The following HEXB variants were observed in gnomAD, a reference collection of about 807,000 sequenced individuals.
HEXB encodes the protein beta-hexosaminidase subunit beta.
HEXB carries 51 observed loss-of-function variants against 71.2 expected under a neutral mutation model. That is an observed-to-expected ratio of 0.72 (90% CI 0.57 to 0.90). The LOEUF is 0.90. HEXB is among the 40% of genes least tolerant of loss of function. HEXB has a pLI of 0.00. For missense variants in HEXB, 617 were observed against 677.0 expected (o/e 0.91, Z 0.98); for synonymous variants, 266 against 249.3 (o/e 1.07, Z -0.63).
Position 74,719,091 on chromosome 5 carries a change from T to C in HEXB, c.1417+120T>C, listed in dbSNP as rs888592544. ...CCTAACCTCCCACCCCAGAAGTCTT[T>C]ACCTAGATATTACCTACCAACTATC... On this transcript the variant is annotated intron_variant, in intron 11 of 13. Coordinates refer to ENST00000261416, the MANE Select transcript of HEXB (RefSeq NM_000521.4). The C allele has an allele frequency of 5.8e-6, 5 of 862,318 alleles. No individual in the cohort carries two copies. In the Middle Eastern group the frequency reaches 6.5e-4, roughly 111 times the overall value. 53.4% of individuals were successfully genotyped at this position (862,318 alleles called of 1,614,324 possible).
intron 1 of HEXB, among the ~76,000 whole-genome samples, chr5:74,686,221 A>G (rs1294617228): frequency 1.3e-5 from 2 of 152,248 alleles, no homozygotes; most frequent in African/African-American, 4.8e-5. Flanking sequence ...ACCCCTAGAT[A>G]GCGCCTCTGT....
intron 1 of HEXB, among the ~76,000 whole-genome samples, chr5:74,676,024 CAG>C (rs571407618): frequency 1.1e-4 from 16 of 152,162 alleles, no homozygotes; most frequent in Non-Finnish European, 2.1e-4. Context: ...TATAAATTAA[CAG>C]AAAGTATTTC....
intron 1 of HEXB, among the ~76,000 whole-genome samples, chr5:74,650,468 G>C (rs1449705428): frequency 6.6e-6 from 1 of 152,194 alleles, no homozygotes; most frequent in Non-Finnish European, 1.5e-5. Flanking sequence ...GGGTAAAGCT[G>C]AAGAACAGAA....
intron 1 of HEXB, among the ~76,000 whole-genome samples, chr5:74,686,025 C>T (rs1468648372): frequency 6.6e-6 from 1 of 152,166 alleles, no homozygotes; most frequent in African/African-American, 2.4e-5. Context: ...CTGGTAACAG[C>T]TCAAATGGCA....
At chr5:74,662,708 A>G (rs1323738121) in intron 1 of HEXB, among the ~76,000 whole-genome samples, 1 of 152,214 alleles carries the variant, frequency 6.6e-6, no homozygotes, top group Non-Finnish European at 1.5e-5. Context: ...TTGCTTATTT[A>G]TAGGTAAAAA....
chr5:74,686,734 C>A (rs993352787), intron 1 of HEXB, among the ~76,000 whole-genome samples: 9 of 152,064 alleles, frequency 5.9e-5, no homozygotes, highest in Admixed American at 2.0e-4. Flanking sequence ...TCTGCTAAGG[C>A]CAGAGTGGGG....
At chr5:74,713,464 C>A in intron 6 of HEXB, 42 bp from the exon 7 acceptor site, 1 of 1,592,288 alleles carries the variant, frequency 6.3e-7, no homozygotes, top group Non-Finnish European at 8.6e-7. Flanking sequence ...AGGATCAAAT[C>A]TACGTTGTAC....
At position 74,695,201 on chromosome 5, in the gene HEXB, C is replaced by CTT. The variant is rs35812692; in HGVS notation, c.512-1473_512-1472dup. Among the ~76,000 whole-genome samples, 386 of 114,434 alleles carry CTT rather than the reference C, an allele frequency of 3.4e-3. 10 individuals are homozygous for CTT. Among genetic ancestry groups the CTT allele is most frequent in the African/African-American group, 8.8e-3 (260 of 29,408 alleles). 75.1% of individuals were successfully genotyped at this position (114,434 alleles called of 152,430 possible). A position where few individuals can be genotyped will look rare whatever the true frequency, so the allele number is the denominator to read the frequency against. ...CTGCGTCTGCTAAGGAGAAGAGACGCTTTTTTTTTTTTTTTTTTTTGAGAC... is the reference window on the plus strand; with the variant it reads ...CTGCGTCTGCTAAGGAGAAGAGACGCTTTTTTTTTTTTTTTTTTTTTTGAGAC... On this transcript the variant is annotated intron_variant, in intron 3 of 13. Coordinates refer to ENST00000261416, the MANE Select transcript of HEXB (RefSeq NM_000521.4).
chr5:74,706,486 G>A (rs1213767061), intron 6 of HEXB, among the ~76,000 whole-genome samples: 1 of 152,230 alleles, frequency 6.6e-6, no homozygotes, highest in Non-Finnish European at 1.5e-5. Flanking sequence ...GCCGAAGCAG[G>A]GTGAGGCGTT....
chr5:74,668,230 T>TTGTGTGTGTG (rs34727155), intron 1 of HEXB, among the ~76,000 whole-genome samples: 25 of 148,580 alleles, frequency 1.7e-4, no homozygotes, highest in African/African-American at 5.7e-4. Context: ...TTTGTTTTGT[T>TTGTGTGTGTG]TGTGTGTGTG....
chr5:74,716,041 A>T (rs1180539115), intron 8 of HEXB, among the ~76,000 whole-genome samples: 1 of 104,920 alleles, frequency 9.5e-6, no homozygotes, highest in Non-Finnish European at 1.9e-5. Context: ...AAAAAAAAAA[A>T]TGGAATAAAA....
intron 11 of HEXB, 96 bp from the exon 12 acceptor site, chr5:74,720,331 GC>G: frequency 2.2e-6 from 2 of 930,182 alleles, no homozygotes; most frequent in Non-Finnish European, 3.6e-6. Flanking sequence ...AAGAAATGTT[GC>G]CCTAGGATAA....
chr5:74,666,069 AT>A (rs1213493825), intron 1 of HEXB, among the ~76,000 whole-genome samples: 3 of 152,234 alleles, frequency 2.0e-5, no homozygotes, highest in Non-Finnish European at 4.4e-5. Context: ...TGTTTTATCC[AT>A]TTAGCCCAAT....
chr5:74,678,253 G>A (rs540480969), intron 1 of HEXB, among the ~76,000 whole-genome samples: 92 of 151,960 alleles, frequency 6.1e-4, no homozygotes, highest in South Asian at 3.1e-3. Context: ...AGCTGAGATC[G>A]TGCCATTGCA....
In HEXB at chr5:74,690,645, G is replaced by C. The variant is rs533451440; in HGVS notation, c.445+1172G>C. On this transcript the variant is annotated intron_variant, in intron 2 of 13. Coordinates refer to ENST00000261416, the MANE Select transcript of HEXB (RefSeq NM_000521.4). Reference sequence around the variant, plus strand: ...CCAGCCTGGGGGACAGAGTGAGACAGTCTCAAAAAAAAAAAAAAAAAAAAA... The same window carrying C: ...CCAGCCTGGGGGACAGAGTGAGACACTCTCAAAAAAAAAAAAAAAAAAAAA... 3.3e-3 allele frequency among the ~76,000 whole-genome samples: 252 copies of C among 75,698 alleles called. 4 individuals are homozygous for C. The highest frequency in any genetic ancestry group is 0.014 in the African/African-American group (243 of 17,958). 49.7% of individuals were successfully genotyped at this position (75,698 alleles called of 152,430 possible).
chr5:74,683,915 GT>G (rs1368409108), upstream of HEXB, among the ~76,000 whole-genome samples: 3 of 151,070 alleles, frequency 2.0e-5, no homozygotes, highest in African/African-American at 2.4e-5. Context: ...CCACCTTCCG[GT>G]TTCAAGCGAT....
intron 6 of HEXB, among the ~76,000 whole-genome samples, chr5:74,711,769 A>G (rs986018556): frequency 2.0e-5 from 3 of 152,114 alleles, no homozygotes; most frequent in Non-Finnish European, 2.9e-5. Context: ...GCAATCATTA[A>G]AAAGTCAGGA....
intron 1 of HEXB, among the ~76,000 whole-genome samples, chr5:74,669,784 G>A (rs1267387106): frequency 6.6e-6 from 1 of 152,136 alleles, no homozygotes; most frequent in African/African-American, 2.4e-5. Flanking sequence ...GAAGTTCAGG[G>A]CCTCATAAGA....
chr5:74,643,756 C>T (rs1015155978), intron 1 of HEXB, among the ~76,000 whole-genome samples: 1 of 152,114 alleles, frequency 6.6e-6, no homozygotes, highest in Non-Finnish European at 1.5e-5. Context: ...TAACACGGTG[C>T]GATCATGGTA....
Sources: gnomAD v4.1 joint callset for allele counts (sites outside exome capture counted in the v4.1 genomes callset) on GRCh38, gnomAD v4.1.1 for gene constraint, MANE v1.5 for transcripts, NCBI Gene and HGNC (gene_info 2026-07-23, HGNC 2026-07-21) for gene names.